The following GGACT variants were observed in gnomAD, a reference collection of about 807,000 sequenced individuals.
GGACT encodes gamma-glutamylaminecyclotransferase.
For missense variants in GGACT, 241 were observed against 233.2 expected (o/e 1.03, Z -0.22); for synonymous variants, 118 against 115.3 (o/e 1.02, Z -0.15).
intron 2 of GGACT, 81 bp from the exon 3 acceptor site, chr13:100,532,682 G>C: frequency 8.7e-7 from 1 of 1,145,504 alleles, no homozygotes; most frequent in Non-Finnish European, 1.2e-6. Flanking sequence ...CCGGCCCACA[G>C]AGCCTCCACT....
intron 2 of GGACT, among the ~76,000 whole-genome samples, chr13:100,581,863 C>T (rs1310006938): frequency 6.6e-6 from 1 of 152,228 alleles, no homozygotes; most frequent in Non-Finnish European, 1.5e-5. Context: ...CTCCCAATCC[C>T]CACACCCCTG....
At chr13:100,587,898 C>T (rs1875629753) in intron 1 of GGACT, among the ~76,000 whole-genome samples, 2 of 152,098 alleles carry the variant, frequency 1.3e-5, no homozygotes, top group South Asian at 2.1e-4. Context: ...TGATAGCAGG[C>T]GCCTGTAATC....
At position 100,583,446 on chromosome 13, in the gene GGACT, T is replaced by C. The variant is rs143937412; in HGVS notation, c.-11+379A>G. On this transcript the variant is annotated intron_variant, in intron 2 of 2. Coordinates refer to ENST00000683975, the MANE Select transcript of GGACT (RefSeq NM_001195087.2). ...TCAATGTATAAATAATTCTTATAAA[T>C]CAAAAGACAACCCCAGAGAAAAACA... Among the ~76,000 whole-genome samples the C allele has an allele frequency of 2.3e-3, 345 of 152,324 alleles. 1 individual carries two copies. The highest frequency in any genetic ancestry group is 8.0e-3 in the African/African-American group (334 of 41,568).
intron 2 of GGACT, among the ~76,000 whole-genome samples, chr13:100,547,180 C>G (rs1171599490): frequency 6.6e-6 from 1 of 152,192 alleles, no homozygotes; most frequent in African/African-American, 2.4e-5. Flanking sequence ...ACCCTCAGAC[C>G]AGGCCCGGGA....
chr13:100,576,433 A>G (rs1376229147), intron 2 of GGACT, among the ~76,000 whole-genome samples: 1 of 152,150 alleles, frequency 6.6e-6, no homozygotes, highest in Non-Finnish European at 1.5e-5. Context: ...CAGCAATTGC[A>G]CTCCTAGGAA....
chr13:100,542,448 C>T (rs1465516842), intron 2 of GGACT, among the ~76,000 whole-genome samples: 2 of 152,192 alleles, frequency 1.3e-5, no homozygotes, highest in African/African-American at 2.4e-5. Flanking sequence ...CCCTCGTGCA[C>T]GGATTTCCTC....
At chr13:100,588,317 C>T (rs71439670) in intron 1 of GGACT, among the ~76,000 whole-genome samples, 7,049 of 152,296 alleles carry the variant, frequency 0.046, 361 homozygotes, top group East Asian at 0.15. Flanking sequence ...CTTCTAGTCT[C>T]CTTACAAACA....
intron 2 of GGACT, among the ~76,000 whole-genome samples, chr13:100,550,527 G>A (rs181154829): frequency 2.6e-5 from 4 of 152,148 alleles, no homozygotes; most frequent in East Asian, 1.9e-4. Flanking sequence ...AGCCAAACAC[G>A]CCAGTGTTTG....
At chr13:100,540,631 C>T (rs1205488129) in intron 2 of GGACT, among the ~76,000 whole-genome samples, 1 of 152,206 alleles carries the variant, frequency 6.6e-6, no homozygotes, top group South Asian at 2.1e-4. Flanking sequence ...TATCTCTGCT[C>T]TAATCATTAC....
At chr13:100,563,129 C>G (rs2088780415) in intron 2 of GGACT, among the ~76,000 whole-genome samples, 1 of 152,206 alleles carries the variant, frequency 6.6e-6, no homozygotes, top group Non-Finnish European at 1.5e-5. Flanking sequence ...GTCTGTGGCA[C>G]TTGGTTGTAG....
chr13:100,566,720 C>T (rs1180311324), intron 2 of GGACT, among the ~76,000 whole-genome samples: 1 of 152,236 alleles, frequency 6.6e-6, no homozygotes, highest in African/African-American at 2.4e-5. Context: ...TATCCCTGAA[C>T]ACAGTCATGT....
At chr13:100,553,076 C>T (rs749351479) in intron 2 of GGACT, among the ~76,000 whole-genome samples, 76 of 152,264 alleles carry the variant, frequency 5.0e-4, no homozygotes, top group African/African-American at 1.7e-3. Context: ...AGGCAGGGCC[C>T]GGGCCTCCAA....
At chr13:100,560,283 T>C (rs1276911172) in intron 2 of GGACT, among the ~76,000 whole-genome samples, 1 of 152,214 alleles carries the variant, frequency 6.6e-6, no homozygotes, top group Non-Finnish European at 1.5e-5. Flanking sequence ...AAAAGCTGAA[T>C]TATTTTGGGG....
chr13:100,588,690 G>C (rs976557776), intron 1 of GGACT, 51 bp downstream of exon 1: 31 of 151,554 alleles, frequency 2.0e-4, no homozygotes, highest in African/African-American at 6.8e-4. Flanking sequence ...CACCCCGCCT[G>C]GGGGGCGGAG....
At chr13:100,578,919 G>A (rs1313952265) in intron 2 of GGACT, 1 of 152,178 alleles carries the variant, frequency 6.6e-6, no homozygotes, top group Admixed American at 6.5e-5. Context: ...GACAACAGCA[G>A]GAAGAGGTAA....
intron 2 of GGACT, among the ~76,000 whole-genome samples, chr13:100,554,890 C>A (rs376100952): frequency 6.6e-6 from 1 of 152,030 alleles, no homozygotes; most frequent in Non-Finnish European, 1.5e-5. Flanking sequence ...ATAAAACAAA[C>A]GTTAAAAGGA....
chr13:100,572,529 T>C (rs1875118504), intron 2 of GGACT, among the ~76,000 whole-genome samples: 1 of 152,230 alleles, frequency 6.6e-6, no homozygotes, highest in African/African-American at 2.4e-5. Flanking sequence ...ATGGTTAAGA[T>C]GGTAAAATTT....
At position 100,532,329 on chromosome 13, in the gene GGACT, T is replaced by A. The variant is rs2088413749; in HGVS notation, c.263A>T (p.Tyr88Phe). 1.9e-6 allele frequency: 3 copies of A among 1,550,170 alleles called. No homozygotes were observed. Among genetic ancestry groups the A allele is most frequent in the Non-Finnish European group, 2.6e-6 (3 of 1,146,474 alleles). The part of the protein sequence containing the change: ...LDDFESCPAL[Y>F]QRTVLRVQLL... ...CTGTACCCGCAGCACCGTGCGCTGG[T>A]ACAGGGCCGGGCAACTCTCGAAGTC... Residue 88 changes from tyrosine to phenylalanine, a missense_variant, in exon 3 of 3, where the codon TAC becomes TTC. Physicochemically the swap from Tyr to Phe is conservative, Grantham distance 22 (BLOSUM62 3). Coordinates refer to ENST00000683975, the MANE Select transcript of GGACT (RefSeq NM_001195087.2).
chr13:100,563,619 C>T (rs2088784736), intron 2 of GGACT, among the ~76,000 whole-genome samples: 1 of 152,146 alleles, frequency 6.6e-6, no homozygotes, highest in Admixed American at 6.5e-5. Context: ...AGTTTGAGTC[C>T]AGCCTGAGCA....
Sources: gnomAD v4.1 joint callset for allele counts (sites outside exome capture counted in the v4.1 genomes callset) on GRCh38, gnomAD v4.1.1 for gene constraint, MANE v1.5 for transcripts, NCBI Gene and HGNC (gene_info 2026-07-23, HGNC 2026-07-21) for gene names.